Variants in SPCS2 observed in about 807,000 individuals in gnomAD.
The protein encoded by SPCS2 is SPase 25 kDa subunit.
Under a neutral mutation model 22.3 loss-of-function variants are expected in SPCS2, and 3 were observed. The observed-to-expected ratio is 0.13, with a 90% CI of 0.06 to 0.35. The LOEUF is 0.35. Among genes scored for constraint, SPCS2 ranks in the 10% least tolerant of loss-of-function variants. The probability of loss-of-function intolerance (pLI) is 1.00; values close to 1 mark genes in which losing one functional copy is unlikely to be tolerated. For missense variants in SPCS2, 169 were observed against 280.9 expected (o/e 0.60, Z 2.85); for synonymous variants, 67 against 97.2 (o/e 0.69, Z 1.83).
chr11:74,964,908 C>A, intron 1 of SPCS2, 126 bp from the exon 2 acceptor site: 2 of 634,246 alleles, frequency 3.2e-6, no homozygotes, highest in Non-Finnish European at 5.3e-6. Flanking sequence ...TCTTTTAGTT[C>A]TGCAACATCA....
At chr11:74,953,900 C>T (rs991027014) in intron 1 of SPCS2, among the ~76,000 whole-genome samples, 1 of 152,154 alleles carries the variant, frequency 6.6e-6, no homozygotes, top group East Asian at 1.9e-4. Context: ...TTATCTAGAC[C>T]CTTTTAGCCT....
At chr11:74,976,716 T>A (rs1948615839) in intron 4 of SPCS2, 141 bp from the exon 5 acceptor site, 1 of 1,044,294 alleles carries the variant, frequency 9.6e-7, no homozygotes, top group Non-Finnish European at 1.4e-6. Context: ...TGTTTTTGCT[T>A]TTGCTTTTAA....
At chr11:74,963,695 C>T (rs1280146280) in intron 1 of SPCS2, 4 of 370,996 alleles carry the variant, frequency 1.1e-5, no homozygotes, top group Non-Finnish European at 2.2e-5. Context: ...CAGGTACTCA[C>T]CACTGCCATC....
chr11:74,953,456 G>C (rs1478715006), intron 1 of SPCS2, among the ~76,000 whole-genome samples: 1 of 152,138 alleles, frequency 6.6e-6, no homozygotes, highest in Non-Finnish European at 1.5e-5. Context: ...GCCTCCCAAA[G>C]TGCGGGGTTT....
intron 3 of SPCS2, among the ~76,000 whole-genome samples, chr11:74,967,883 G>A (rs1743599903): frequency 1.3e-5 from 2 of 152,134 alleles, no homozygotes; most frequent in African/African-American, 4.8e-5. Context: ...GCAGTGAGCT[G>A]AGATCATGCC....
At chr11:74,964,859 G>T (rs1347814102) in intron 1 of SPCS2, among the ~76,000 whole-genome samples, 175 bp from the exon 2 acceptor site, 1 of 152,028 alleles carries the variant, frequency 6.6e-6, no homozygotes, top group East Asian at 1.9e-4. Flanking sequence ...CTTCTTGCAG[G>T]GCTACCCCAT....
intron 1 of SPCS2, among the ~76,000 whole-genome samples, chr11:74,952,150 T>C (rs1449529310): frequency 6.6e-6 from 1 of 152,156 alleles, no homozygotes; most frequent in Non-Finnish European, 1.5e-5. Flanking sequence ...AGAAGACTTC[T>C]TAATAAGGCC....
At chr11:74,963,947 A>C (rs1178654954) in intron 1 of SPCS2, among the ~76,000 whole-genome samples, 1 of 152,178 alleles carries the variant, frequency 6.6e-6, no homozygotes, top group African/African-American at 2.4e-5. Flanking sequence ...GTTCCTCTTA[A>C]GCTATATTTA....
At chr11:74,951,111 A>G (rs1370689312) in intron 1 of SPCS2, among the ~76,000 whole-genome samples, 3 of 152,236 alleles carry the variant, frequency 2.0e-5, no homozygotes, top group Non-Finnish European at 4.4e-5. Context: ...AATAGTGTAT[A>G]TGGCACCATT....
At chr11:74,954,407 A>G (rs1373104058) in intron 1 of SPCS2, among the ~76,000 whole-genome samples, 1 of 152,170 alleles carries the variant, frequency 6.6e-6, no homozygotes, top group Non-Finnish European at 1.5e-5. Flanking sequence ...GCCTTGTGCT[A>G]TCTAATGTGC....
At chr11:74,952,883 C>T (rs1275747587) in intron 1 of SPCS2, among the ~76,000 whole-genome samples, 1 of 152,224 alleles carries the variant, frequency 6.6e-6, no homozygotes, top group Non-Finnish European at 1.5e-5. Flanking sequence ...CTAGCACTTA[C>T]ACTGCACATG....
At chr11:74,963,685 C>T in intron 1 of SPCS2, 1 of 405,038 alleles carries the variant, frequency 2.5e-6, no homozygotes, top group South Asian at 1.8e-5. Context: ...TCTGGGATGG[C>T]AGGTACTCAC....
intron 1 of SPCS2, among the ~76,000 whole-genome samples, chr11:74,950,839 C>G (rs1038095880): frequency 6.6e-6 from 1 of 152,204 alleles, no homozygotes; most frequent in Non-Finnish European, 1.5e-5. Flanking sequence ...AGTCACCATG[C>G]ACCTGGCCTC....
intron 1 of SPCS2, among the ~76,000 whole-genome samples, chr11:74,954,611 G>T (rs993568959): frequency 1.3e-5 from 2 of 152,148 alleles, no homozygotes; most frequent in African/African-American, 4.8e-5. Context: ...AAGATGAACG[G>T]TTTTATAACA....
At chr11:74,951,810 CAAAA>C (rs61038317) in intron 1 of SPCS2, among the ~76,000 whole-genome samples, 27 of 81,380 alleles carry the variant, frequency 3.3e-4, no homozygotes, top group South Asian at 2.6e-3. Context: ...AACTCTGTCT[CAAAA>C]AAAAAAAAAA....
rs116360482 is a variant in SPCS2, at chr11:74,972,305, C to T, written c.494+2606C>T. Among the ~76,000 whole-genome samples, 504 of 152,264 alleles carry T rather than the reference C, an allele frequency of 3.3e-3. 7 individuals are homozygous for T. Among genetic ancestry groups the T allele is most frequent in the African/African-American group, 9.6e-3 (398 of 41,542 alleles). On this transcript the variant is annotated intron_variant, in intron 4 of 4. Transcript: ENST00000263672. ...ACTTGAACTCGTGACCTCAAGTGAT[C>T]GCCTAGCCTTGGCCTCCCAAAGTGG...
At chr11:74,973,948 A>G (rs1440481994) in intron 4 of SPCS2, among the ~76,000 whole-genome samples, 2 of 150,004 alleles carry the variant, frequency 1.3e-5, no homozygotes. Flanking sequence ...ATTTCTCCCA[A>G]CTGAAAAAAA....
intron 1 of SPCS2, 80 bp downstream of exon 1, chr11:74,949,479 C>A (rs1186987595): frequency 7.8e-7 from 1 of 1,275,426 alleles, no homozygotes; most frequent in Non-Finnish European, 1.1e-6. Flanking sequence ...TCCCGGTCTC[C>A]CTTATTTTCT....
In SPCS2 at chr11:74,965,802, C is replaced by G; in HGVS notation, c.238C>G (p.Leu80Val). The G allele has an allele frequency of 6.2e-7, 1 of 1,613,010 alleles. No homozygotes were observed. Among genetic ancestry groups the G allele is most frequent in the Non-Finnish European group, 8.5e-7 (1 of 1,179,276 alleles). The change falls in exon 3 of 5, where the codon CTA becomes GTA. Residue 80 changes from leucine to valine, a missense_variant. Transcript: ENST00000263672. ...EKYKYVENFGLIDGRLTICTI... is the reference protein window; with the variant it reads ...EKYKYVENFGVIDGRLTICTI... ...ATACAAATATGTGGAGAATTTTGGT[C>G]TAATTGATGGTCGCCTCACCATCTG...
Sources: gnomAD v4.1 joint callset for allele counts (sites outside exome capture counted in the v4.1 genomes callset) on GRCh38, gnomAD v4.1.1 for gene constraint, MANE v1.5 for transcripts, NCBI Gene and HGNC (gene_info 2026-07-23, HGNC 2026-07-21) for gene names.